Variants in SPTAN1 observed in about 807,000 individuals in gnomAD.
SPTAN1 encodes the protein spectrin alpha chain, non-erythrocytic 1.
A neutral mutation model predicts 331.3 loss-of-function variants in SPTAN1; 61 were observed. That is an observed-to-expected ratio of 0.18 (90% CI 0.15 to 0.23). SPTAN1 has a LOEUF of 0.23. SPTAN1 is among the 10% of genes least tolerant of loss of function. The pLI, the probability that SPTAN1 is intolerant of heterozygous loss-of-function variation, is 1.00. For missense variants in SPTAN1, 2,043 were observed against 3,147.9 expected (o/e 0.65, Z 8.40); for synonymous variants, 1,153 against 1,173.9 (o/e 0.98, Z 0.36).
rs1589342522 is a variant in SPTAN1, at chr9:128,615,703, A to G, written c.5220A>G (p.Val1740=). The stretch of plus-strand genomic sequence containing the variant: ...GCAGTGCCTTCGACACCTCCCAAGT[A>G]AAGGACAAGAGGGACACCATCAACG... ...MTSSAFDTSQ[V]KDKRDTINGR... The change falls in exon 41 of 57, where the codon GTA becomes GTG. Residue 1740 remains valine, a synonymous_variant. Transcript: ENST00000372739. 1 of 1,614,208 alleles carries G rather than the reference A, an allele frequency of 6.2e-7. No homozygotes were observed. Among genetic ancestry groups the G allele is most frequent in the East Asian group, 2.2e-5 (1 of 44,872 alleles).
chr9:128,569,869 C>T (rs1850450444), intron 3 of SPTAN1, among the ~76,000 whole-genome samples: 1 of 152,044 alleles, frequency 6.6e-6, no homozygotes, highest in South Asian at 2.1e-4. Context: ...TGGCAATACT[C>T]TACAGTCTCA....
At position 128,627,812 on chromosome 9, in the gene SPTAN1, A is replaced by ATGTTCT; in HGVS notation, c.6690-110_6690-105dup. The ATGTTCT allele has an allele frequency of 7.4e-7, 1 of 1,343,936 alleles. No homozygotes were observed. Among genetic ancestry groups the ATGTTCT allele is most frequent in the South Asian group, 1.2e-5 (1 of 85,604 alleles). The allele number at this position is 1,343,936 out of a possible 1,614,324, so 83.3% of individuals were successfully genotyped here. A position where few individuals can be genotyped will look rare whatever the true frequency, so the allele number is the denominator to read the frequency against. ...TGCAGGGTCTGTGCGTTGGGTACTG[A>ATGTTCT]TGTTCTTGCTTTTGTTTTCCTTTCT... is the stretch of plus-strand genomic sequence containing the variant. On this transcript the variant is annotated intron_variant, in intron 50 of 56. Transcript: ENST00000372739. This position sits in a 1 kb window ranked among gnomAD's most constrained non-coding sequence, Gnocchi z 4.9.
At chr9:128,630,524 CTA>C in intron 52 of SPTAN1, 149 bp downstream of exon 52, 3 of 691,260 alleles carry the variant, frequency 4.3e-6, no homozygotes, top group Admixed American at 2.4e-5. Flanking sequence ...GGGCTCTTCA[CTA>C]TCTCTCTCTC....
At chr9:128,632,993 G>A (rs1455276775) in intron 56 of SPTAN1, 38 bp downstream of exon 56, 13 of 1,606,760 alleles carry the variant, frequency 8.1e-6, no homozygotes, top group Non-Finnish European at 1.1e-5. Flanking sequence ...GGTGTCCTTT[G>A]GAAAACTAAA....
chr9:128,585,141 A>G (rs2131179169), intron 18 of SPTAN1, among the ~76,000 whole-genome samples: 1 of 151,836 alleles, frequency 6.6e-6, no homozygotes, highest in African/African-American at 2.4e-5. Context: ...CAGCCTCCCA[A>G]GTAGCTGGGA....
chr9:128,577,595 C>G lies in SPTAN1; in HGVS notation c.1085+89C>G, dbSNP rs1483477120. 2 of 1,561,488 alleles carry G rather than the reference C, an allele frequency of 1.3e-6. No homozygotes were observed. The highest frequency in any genetic ancestry group is 1.8e-6 in the Non-Finnish European group (2 of 1,138,568). On this transcript the variant is annotated intron_variant, in intron 8 of 56. Transcript: ENST00000372739. The surrounding 1 kb of genome is among the most constrained non-coding windows in gnomAD (Gnocchi z 4.2). ...CAGAGTTAAGGGTCTGTTCTGTGTT[C>G]TGTGAAAGTGTCAGGTATCACCTAC...
Position 128,574,578 on chromosome 9 carries a change from G to A in SPTAN1, c.364-97G>A, listed in dbSNP as rs548562094. The A allele has an allele frequency of 1.5e-4, 204 of 1,365,936 alleles. No homozygotes were observed. In the East Asian group the frequency reaches 3.5e-3, roughly 23 times the overall value. 84.6% of individuals were successfully genotyped at this position (1,365,936 alleles called of 1,614,324 possible). A position where few individuals can be genotyped will look rare whatever the true frequency, so the allele number is the denominator to read the frequency against. On this transcript the variant is annotated intron_variant, in intron 3 of 56. Transcript: ENST00000372739. ...TCTTTTAAAAATATTTTTATTCAGC[G>A]CTCCATAAGGTCTCTAACTTGTCTA...
At chr9:128,615,561 C>G in intron 40 of SPTAN1, 71 bp from the exon 41 acceptor site, 2 of 1,543,686 alleles carry the variant, frequency 1.3e-6, no homozygotes, top group Non-Finnish European at 8.9e-7. Flanking sequence ...TAAGGAATTC[C>G]TGAGTTCTTA....
At chr9:128,571,150 C>T (rs987104172) in intron 3 of SPTAN1, among the ~76,000 whole-genome samples, 5 of 151,940 alleles carry the variant, frequency 3.3e-5, no homozygotes, top group Non-Finnish European at 7.4e-5. Flanking sequence ...ATTAGTGGGG[C>T]GTGGTGGTGC....
At chr9:128,574,008 C>T (rs555942992) in intron 3 of SPTAN1, among the ~76,000 whole-genome samples, 2 of 152,214 alleles carry the variant, frequency 1.3e-5, no homozygotes, top group Admixed American at 1.3e-4. Flanking sequence ...CCGCCTCGGC[C>T]TCCCAAAGTG....
At chr9:128,624,040 G>GC (rs1858335920) in intron 45 of SPTAN1, among the ~76,000 whole-genome samples, 1 of 130,632 alleles carries the variant, frequency 7.7e-6, no homozygotes, top group Non-Finnish European at 1.6e-5. Flanking sequence ...CCGAGATCAC[G>GC]CCACTGCATT....
chr9:128,604,282 C>A, intron 28 of SPTAN1, 44 bp from the exon 29 acceptor site: 1 of 1,588,926 alleles, frequency 6.3e-7, no homozygotes, highest in Non-Finnish European at 8.6e-7. Context: ...GGGGGCATGA[C>A]AGGAGAGGGA....
At chr9:128,631,654 C>T (rs1478954929) in intron 52 of SPTAN1, 3 of 185,722 alleles carry the variant, frequency 1.6e-5, no homozygotes, top group South Asian at 2.2e-4. Flanking sequence ...AGTGAAACAT[C>T]GCCTCTACTA....
At position 128,618,016 on chromosome 9, in the gene SPTAN1, C is replaced by T. The variant is rs777780283; in HGVS notation, c.5508C>T (p.Ser1836=). The part of the protein sequence containing the change: ...QGVLDTGKKL[S]DDNTIGKEEI... ...TCCTGGACACTGGCAAGAAGCTGTC[C>T]GATGACAACACCATCGGGAAAGAGG... Residue 1836 remains serine, a synonymous_variant, in exon 43 of 57, where the codon TCC becomes TCT. Coordinates refer to ENST00000372739, the MANE Select transcript of SPTAN1 (RefSeq NM_001130438.3). The T allele has an allele frequency of 1.7e-5, 27 of 1,613,978 alleles. No individual in the cohort carries two copies. The highest frequency in any genetic ancestry group is 3.3e-5 in the Admixed American group (2 of 60,000).
intron 27 of SPTAN1, among the ~76,000 whole-genome samples, chr9:128,603,129 A>G (rs948470150): frequency 6.6e-6 from 1 of 152,094 alleles, no homozygotes; most frequent in African/African-American, 2.4e-5. Context: ...GATGAAAGTG[A>G]TTATTAGAGC....
At chr9:128,562,994 A>ATGTGTATG (rs1849583192) in intron 1 of SPTAN1, among the ~76,000 whole-genome samples, 1 of 1,136 alleles carries the variant, frequency 8.8e-4, no homozygotes, top group African/African-American at 9.7e-4. Flanking sequence ...ATGTATGTGT[A>ATGTGTATG]TATATATATA....
intron 1 of SPTAN1, among the ~76,000 whole-genome samples, chr9:128,558,836 G>T (rs1018061962): frequency 1.3e-5 from 2 of 151,848 alleles, no homozygotes; most frequent in African/African-American, 4.8e-5. Flanking sequence ...CGGGTGAGAG[G>T]CTGTAGCACC....
At chr9:128,620,140 C>T (rs1445524124) in intron 44 of SPTAN1, among the ~76,000 whole-genome samples, 1 of 152,204 alleles carries the variant, frequency 6.6e-6, no homozygotes, top group African/African-American at 2.4e-5. Context: ...CCCAAGGCAG[C>T]CCAGAGGCAT....
intron 43 of SPTAN1, 76 bp downstream of exon 43, chr9:128,618,184 G>C: frequency 6.3e-7 from 1 of 1,597,314 alleles, no homozygotes; most frequent in East Asian, 2.3e-5. Context: ...AGCTGTGGGG[G>C]TCCAGTGGGC....
Sources: gnomAD v4.1 joint callset for allele counts (sites outside exome capture counted in the v4.1 genomes callset) on GRCh38, gnomAD v4.1.1 for gene constraint, Gnocchi (gnomAD v3.1) non-coding constraint, MANE v1.5 for transcripts, NCBI Gene and HGNC (gene_info 2026-07-23, HGNC 2026-07-21) for gene names.